Variants in MEPE observed in about 807,000 individuals in gnomAD.
The protein encoded by MEPE is matrix extracellular phosphoglycoprotein, also known as matrix, extracellular phosphoglycoprotein with ASARM motif (bone).
MEPE carries 7 observed loss-of-function variants against 7.3 expected under a neutral mutation model. The ratio of observed to expected loss-of-function variants is 0.95; its 90% CI spans 0.54 to 1.79. MEPE has a LOEUF of 1.79. MEPE is among the 40% of genes most tolerant of loss of function. MEPE has a pLI of 0.00. For missense variants in MEPE, 623 were observed against 628.2 expected (o/e 0.99, Z 0.09); for synonymous variants, 214 against 213.1 (o/e 1.00, Z -0.04).
chr4:87,841,620 C>T (rs767725537), intron 3 of MEPE, among the ~76,000 whole-genome samples: 20 of 152,094 alleles, frequency 1.3e-4, no homozygotes, highest in South Asian at 2.1e-4. Context: ...TCAACATTTC[C>T]GCCTACTTCC....
At chr4:87,830,418 G>A (rs1722569494), upstream of MEPE, among the ~76,000 whole-genome samples, 1 of 152,180 alleles carries the variant, frequency 6.6e-6, no homozygotes, top group Admixed American at 6.5e-5. Context: ...AAGAGATCAT[G>A]TCCTTTGTGG....
chr4:87,833,461 A>G (rs932319584), intron 1 of MEPE, among the ~76,000 whole-genome samples: 1 of 152,150 alleles, frequency 6.6e-6, no homozygotes, highest in African/African-American at 2.4e-5. Flanking sequence ...TAGAATTTAG[A>G]TCCTTCTAAT....
intron 3 of MEPE, among the ~76,000 whole-genome samples, chr4:87,844,585 AAG>A (rs375234094): frequency 0.013 from 1,964 of 150,052 alleles, 46 homozygotes; most frequent in African/African-American, 0.044. Flanking sequence ...AGAAAAGAGA[AAG>A]AGAGAGAGAG....
At chr4:87,828,692 C>T (rs116336052), upstream of MEPE, among the ~76,000 whole-genome samples, 309 of 152,122 alleles carry the variant, frequency 2.0e-3, no homozygotes, top group African/African-American at 6.8e-3. Flanking sequence ...CTCAAGTGAT[C>T]GATAAGAAAT....
At chr4:87,822,852 C>G (rs1191988403) in intron 1 of MEPE, among the ~76,000 whole-genome samples, 3 of 152,202 alleles carry the variant, frequency 2.0e-5, no homozygotes, top group Non-Finnish European at 4.4e-5. Flanking sequence ...TCTTCACCAG[C>G]TTGCTTATCC....
chr4:87,844,947 A>G (rs772488170), intron 3 of MEPE, 30 bp from the exon 4 acceptor site: 57 of 1,446,798 alleles, frequency 3.9e-5, no homozygotes, highest in Non-Finnish European at 5.1e-5. Context: ...TACATAAAAT[A>G]ATCACTTCAT....
intron 2 of MEPE, among the ~76,000 whole-genome samples, chr4:87,835,298 C>G (rs1336991295): frequency 6.6e-6 from 1 of 152,220 alleles, no homozygotes; most frequent in Non-Finnish European, 1.5e-5. Context: ...TACCTCCAAG[C>G]TTAACCCAAA....
At position 87,845,496 on chromosome 4, in the gene MEPE, A is replaced by G. The variant is rs1723192353; in HGVS notation, c.628A>G (p.Ser210Gly). Residue 210 changes from serine to glycine, a missense_variant, in exon 4 of 4, where the codon AGC becomes GGC. Ser to Gly is a moderately conservative substitution (Grantham distance 56, BLOSUM62 0). Coordinates refer to ENST00000361056, the MANE Select transcript of MEPE (RefSeq NM_020203.6). ...DSQAQKSPVK[S>G]KSTHRIQHNI... is the part of the protein sequence containing the mutation. ...CCAAGCCCAGAAAAGTCCAGTAAAAAGCAAAAGCACCCATCGTATTCAACA... is the reference window on the plus strand; with the variant it reads ...CCAAGCCCAGAAAAGTCCAGTAAAAGGCAAAAGCACCCATCGTATTCAACA... The G allele has an allele frequency of 6.2e-7, 1 of 1,613,728 alleles. No individual in the cohort carries two copies. The highest frequency in any genetic ancestry group is 8.5e-7 in the Non-Finnish European group (1 of 1,179,926).
intron 1 of MEPE, among the ~76,000 whole-genome samples, chr4:87,833,395 C>T (rs1722653579): frequency 2.6e-5 from 4 of 152,116 alleles, no homozygotes; most frequent in Admixed American, 1.3e-4. Context: ...TAACTCATTT[C>T]ATAAGTTACT....
chr4:87,840,282 C>G (rs1333657459), intron 3 of MEPE, among the ~76,000 whole-genome samples: 2 of 152,138 alleles, frequency 1.3e-5, no homozygotes, highest in Non-Finnish European at 2.9e-5. Flanking sequence ...GAATGAGGCC[C>G]TTGTCACTAC....
At chr4:87,834,316 G>C (rs923819707) in intron 1 of MEPE, among the ~76,000 whole-genome samples, 25 of 152,154 alleles carry the variant, frequency 1.6e-4, no homozygotes, top group African/African-American at 5.8e-4. Flanking sequence ...AACTTAGAGT[G>C]TGTTATGAGC....
At chr4:87,831,948 T>C (rs754064491), upstream of MEPE, among the ~76,000 whole-genome samples, 2 of 152,068 alleles carry the variant, frequency 1.3e-5, no homozygotes, top group Non-Finnish European at 2.9e-5. Context: ...GGGTAATTTA[T>C]AAAAAACAGA....
At chr4:87,835,712 A>AAC (rs1056630002) in intron 2 of MEPE, among the ~76,000 whole-genome samples, 1 of 152,098 alleles carries the variant, frequency 6.6e-6, no homozygotes, top group African/African-American at 2.4e-5. Context: ...TACTGCTCAC[A>AAC]ACACACATTT....
intron 2 of MEPE, among the ~76,000 whole-genome samples, chr4:87,836,832 G>A (rs1278156421): frequency 6.6e-6 from 1 of 152,130 alleles, no homozygotes; most frequent in Non-Finnish European, 1.5e-5. Flanking sequence ...AGGCACTTCT[G>A]TTTCTTCTAC....
intron 1 of MEPE, among the ~76,000 whole-genome samples, chr4:87,822,472 C>T (rs60018287): frequency 0.07 from 10,653 of 152,196 alleles, 499 homozygotes; most frequent in African/African-American, 0.14. Flanking sequence ...TAGGTTCACA[C>T]ACCACACTTC....
chr4:87,825,051 T>C (rs1722427431), intron 1 of MEPE, among the ~76,000 whole-genome samples: 2 of 152,216 alleles, frequency 1.3e-5, no homozygotes, highest in Admixed American at 1.3e-4. Flanking sequence ...TTTGCCATGC[T>C]GCTGAGGCTA....
chr4:87,840,055 G>A (rs912394289), intron 3 of MEPE: 1 of 1,534,896 alleles, frequency 6.5e-7, no homozygotes, highest in African/African-American at 1.4e-5. Context: ...TGGACCTCAG[G>A]TGCCCATGGA....
At chr4:87,843,262 C>G (rs1723084151) in intron 3 of MEPE, among the ~76,000 whole-genome samples, 2 of 152,266 alleles carry the variant, frequency 1.3e-5, no homozygotes, top group South Asian at 4.1e-4. Context: ...TGAACTTTCA[C>G]TAGCTCTTCA....
chr4:87,838,837 G>A lies in MEPE; in HGVS notation c.108+152G>A, dbSNP rs56358523. ...AATGTTGGCACTTTCTAGTCAATCA[G>A]GTATTGTAACTCACACACCATGTGT... On this transcript the variant is annotated intron_variant, in intron 3 of 3. Transcript: ENST00000361056. 1,539 of 610,062 alleles carry A rather than the reference G, an allele frequency of 2.5e-3. 6 individuals carry two copies. The highest frequency in any genetic ancestry group is 6.3e-3 in the Middle Eastern group (19 of 3,008). The allele number at this position is 610,062 out of a possible 1,614,324, so 37.8% of individuals were successfully genotyped here.
Sources: allele counts gnomAD v4.1 joint callset (sites outside exome capture counted in the v4.1 genomes callset), GRCh38; gene constraint gnomAD v4.1.1; transcripts MANE v1.5; gene names NCBI Gene and HGNC (gene_info 2026-07-23, HGNC 2026-07-21).